GPHN: variants seen among roughly 807,000 people sequenced by gnomAD.
The protein encoded by GPHN is gephyrin.
A neutral mutation model predicts 95.5 loss-of-function variants in GPHN; 17 were observed. That is an observed-to-expected ratio of 0.18 (90% CI 0.12 to 0.27). The LOEUF (loss-of-function observed/expected upper bound fraction) is 0.27. GPHN is among the 10% of genes least tolerant of loss of function. GPHN has a pLI of 1.00. For missense variants in GPHN, 660 were observed against 978.1 expected, an observed-to-expected ratio of 0.67 and a Z score of 4.34; for synonymous variants, 320 against 322.5, an observed-to-expected ratio of 0.99 and a Z score of 0.08.
At chr14:67,013,834 G>C in intron 9 of GPHN, among the ~76,000 whole-genome samples, 1 of 151,704 alleles carries the variant, frequency 6.6e-6, no homozygotes, top group South Asian at 2.1e-4. Flanking sequence ...TAAAAACTAA[G>C]AATATTAAAT....
intron 17 of GPHN, among the ~76,000 whole-genome samples, chr14:67,138,343 A>C: frequency 6.6e-6 from 1 of 152,178 alleles, no homozygotes; most frequent in Non-Finnish European, 1.5e-5. Flanking sequence ...CTTAAATATA[A>C]GGTCAGATTA....
At chr14:67,261,720 A>G in the GPHN span, among the ~76,000 whole-genome samples, 3 of 152,026 alleles carry the variant, frequency 2.0e-5, no homozygotes, top group East Asian at 3.9e-4. Flanking sequence ...ATTCACACAC[A>G]TATCTACCAT....
the GPHN span, among the ~76,000 whole-genome samples, chr14:67,672,202 T>A: frequency 6.6e-6 from 1 of 151,098 alleles, no homozygotes; most frequent in Non-Finnish European, 1.5e-5. Flanking sequence ...CACTGCAACC[T>A]CCAGCTCCAG....
intron 5 of GPHN, among the ~76,000 whole-genome samples, chr14:66,891,886 A>T (rs928831219): frequency 6.6e-6 from 1 of 152,178 alleles, no homozygotes; most frequent in Admixed American, 6.5e-5. Flanking sequence ...CCTCAGCATC[A>T]ATAGTCATTA....
the GPHN span, chr14:67,575,346 T>C: frequency 8.6e-7 from 1 of 1,162,172 alleles, no homozygotes; most frequent in South Asian, 1.4e-5. Context: ...GATTTACTTC[T>C]AGAGTTACCT....
At chr14:67,380,697 A>G in the GPHN span, 1 of 1,583,696 alleles carries the variant, frequency 6.3e-7, no homozygotes, top group African/African-American at 1.4e-5. Flanking sequence ...TTGAATGAAG[A>G]TGAACGGGAA....
intron 16 of GPHN, among the ~76,000 whole-genome samples, chr14:67,113,526 T>A (rs923449637): frequency 2.0e-5 from 3 of 152,246 alleles, no homozygotes; most frequent in Non-Finnish European, 4.4e-5. Flanking sequence ...GACAATGAAT[T>A]GTGCCCATCC....
At chr14:67,425,652 G>A in the GPHN span, among the ~76,000 whole-genome samples, 1,051 of 152,268 alleles carry the variant, frequency 6.9e-3, 8 homozygotes, top group African/African-American at 0.024. Context: ...CCTTCCTTTC[G>A]AAAAGGGACT....
At chr14:67,722,100 A>T in the GPHN span, among the ~76,000 whole-genome samples, 1 of 152,196 alleles carries the variant, frequency 6.6e-6, no homozygotes, top group South Asian at 2.1e-4. Flanking sequence ...AGTTCCAGTC[A>T]TCTCCCTCCC....
chr14:66,848,147 T>G (rs899097358), intron 4 of GPHN, among the ~76,000 whole-genome samples: 19 of 152,120 alleles, frequency 1.2e-4, no homozygotes, highest in Non-Finnish European at 2.6e-4. Flanking sequence ...TTATAATATT[T>G]AGTACTTATG....
At chr14:67,664,219 G>A in the GPHN span, among the ~76,000 whole-genome samples, 110 of 152,246 alleles carry the variant, frequency 7.2e-4, no homozygotes, top group African/African-American at 2.5e-3. Context: ...CCGTTGTGGA[G>A]CCATCACCAC....
At chr14:66,547,970 C>T (rs987217903) in intron 1 of GPHN, among the ~76,000 whole-genome samples, 4 of 152,100 alleles carry the variant, frequency 2.6e-5, no homozygotes, top group African/African-American at 7.2e-5. Flanking sequence ...TTTTAGTTCA[C>T]CTCATGGATA....
chr14:67,467,646 T>A, the GPHN span: 5 of 152,220 alleles, frequency 3.3e-5, no homozygotes, highest in African/African-American at 1.2e-4. Flanking sequence ...CCAAACATTT[T>A]AATTTAACTG....
chr14:67,389,771 T>G, the GPHN span, among the ~76,000 whole-genome samples: 1 of 147,338 alleles, frequency 6.8e-6, no homozygotes, highest in Non-Finnish European at 1.5e-5. Flanking sequence ...AAAGTGTTTT[T>G]TTTCTTTTTT....
chr14:67,034,028 G>A (rs916112287), intron 10 of GPHN, among the ~76,000 whole-genome samples: 7 of 152,058 alleles, frequency 4.6e-5, no homozygotes, highest in Non-Finnish European at 8.8e-5. Flanking sequence ...AAAACCTAAG[G>A]GAGTTCATCA....
the GPHN span, among the ~76,000 whole-genome samples, chr14:67,460,873 T>G: frequency 9.9e-5 from 15 of 152,198 alleles, no homozygotes; most frequent in Non-Finnish European, 2.1e-4. Context: ...CAAAATCCCA[T>G]GGGTTCGGGG....
chr14:67,675,951 G>A, the GPHN span, among the ~76,000 whole-genome samples: 1 of 151,988 alleles, frequency 6.6e-6, no homozygotes, highest in African/African-American at 2.4e-5. Flanking sequence ...ACAAAAATTA[G>A]CCAAGCGTGG....
chr14:67,243,556 A>C, the GPHN span, among the ~76,000 whole-genome samples: 3 of 139,632 alleles, frequency 2.1e-5, no homozygotes, highest in Non-Finnish European at 3.0e-5. Flanking sequence ...GCAGTGGCGC[A>C]ATCTCGGCTC....
chr14:67,251,320 C>CCT, the GPHN span, among the ~76,000 whole-genome samples: 3 of 152,238 alleles, frequency 2.0e-5, no homozygotes, highest in East Asian at 5.8e-4. Flanking sequence ...ACCGCTTGAG[C>CCT]CCAGGAGTTT....
Sources: gnomAD v4.1 joint callset for allele counts (sites outside exome capture counted in the v4.1 genomes callset) on GRCh38, gnomAD v4.1.1 for gene constraint, MANE v1.5 for transcripts, NCBI Gene and HGNC (gene_info 2026-07-23, HGNC 2026-07-21) for gene names.